Variants in E2F4 observed in about 807,000 individuals in gnomAD.
E2F4 encodes transcription factor E2F4.
E2F4 carries 16 observed loss-of-function variants against 44.5 expected under a neutral mutation model. The observed-to-expected ratio is 0.36, with a 90% CI of 0.24 to 0.55. The LOEUF is 0.55. Among genes scored for constraint, E2F4 ranks in the 20% least tolerant of loss-of-function variants. The pLI is 0.87. For synonymous variants in E2F4, 242 were observed against 207.2 expected, an observed-to-expected ratio of 1.17 and a Z score of -1.44; for missense variants, 473 against 522.1, an observed-to-expected ratio of 0.91 and a Z score of 0.92.
In E2F4 at chr16:67,195,942, C is replaced by T. The variant is rs1192514910; in HGVS notation, c.969C>T (p.Ser323=). ...SSSSSSSNSN[S]SSSSGPNPST... Reference sequence around the variant, plus strand: ...GCAGCAGCAGCAGCAACAGTAACAGCAGCAGTTCGTCCGGACCCAACCCTT... The same window carrying T: ...GCAGCAGCAGCAGCAACAGTAACAGTAGCAGTTCGTCCGGACCCAACCCTT... The change falls in exon 7 of 10, where the codon AGC becomes AGT. Residue 323 remains serine (S), a synonymous_variant. Coordinates refer to ENST00000379378, the MANE Select transcript of E2F4 (RefSeq NM_001950.4). 2 of 1,614,156 alleles carry T rather than the reference C, an allele frequency of 1.2e-6. No individual in the cohort carries two copies. The highest frequency in any genetic ancestry group is 1.3e-5 in the African/African-American group (1 of 75,042).
chr16:67,195,996 C>A lies in E2F4; in HGVS notation c.1023C>A (p.Asp341Glu), dbSNP rs776817198. The change falls in exon 7 of 10, where the codon GAC (aspartate) becomes GAA (glutamate). Residue 341 changes from aspartate to glutamate, a missense_variant. Asp to Glu is a conservative substitution (Grantham distance 45). Transcript: ENST00000379378. ...CCTCCTTTGAGCCCATCAAGGCAGACCCCACAGGTGGTGAGTACCTGCCCC... is the reference window on the plus strand; with the variant it reads ...CCTCCTTTGAGCCCATCAAGGCAGAACCCACAGGTGGTGAGTACCTGCCCC... Reference protein sequence around the residue: ...PSTSFEPIKADPTGVLELPKE... With the variant: ...PSTSFEPIKAEPTGVLELPKE... 1.9e-6 allele frequency: 3 copies of A among 1,614,140 alleles called. No individual in the cohort carries two copies. Among genetic ancestry groups the A allele is most frequent in the Non-Finnish European group, 2.5e-6 (3 of 1,179,988 alleles).
At chr16:67,193,254 G>T (rs919459711) in intron 3 of E2F4, 84 bp downstream of exon 3, 1 of 1,527,652 alleles carries the variant, frequency 6.5e-7, no homozygotes, top group Admixed American at 2.0e-5. Flanking sequence ...CCTCTTGGGA[G>T]TTTGTCTTAT....
At position 67,192,205 on chromosome 16, in the gene E2F4, A is replaced by AG; in HGVS notation, c.-19dup. ...GCGCCGGCCTGGCCTGGCCTGGCTG[A>AG]GGGGAGGCGGCGGGCGGGCGCGATG... is the stretch of plus-strand genomic sequence containing the variant. On this transcript the variant is annotated 5_prime_UTR_variant, in exon 1 of 10. Coordinates refer to ENST00000379378, the MANE Select transcript of E2F4 (RefSeq NM_001950.4). The AG allele has an allele frequency of 9.0e-7, 1 of 1,105,716 alleles. No individual in the cohort carries two copies. The allele number at this position is 1,105,716 out of a possible 1,614,324, so 68.5% of individuals were successfully genotyped here. A position where few individuals can be genotyped will look rare whatever the true frequency, so the allele number is the denominator to read the frequency against.
At chr16:67,197,207 T>C (rs1299978874) in intron 7 of E2F4, among the ~76,000 whole-genome samples, 3 of 152,176 alleles carry the variant, frequency 2.0e-5, no homozygotes, top group Admixed American at 6.5e-5. Flanking sequence ...CATCACCCTG[T>C]AGCGCCACCA....
Position 67,193,118 on chromosome 16 carries a change from G to T in E2F4, c.355G>T (p.Val119Leu), listed in dbSNP as rs748743089. The change falls in exon 3 of 10, where the codon GTG becomes TTG. Residue 119 changes from valine (V) to leucine (L), a missense_variant. Val to Leu is a conservative substitution (Grantham distance 32, BLOSUM62 1). This residue lies in a region of E2F4 where 119 missense variants were observed against 175.6 expected (regional missense o/e 0.68). Transcript: ENST00000379378. Reference sequence around the variant, plus strand: ...GGAGCAAGAACTAGACCAGCACAAGGTGTGGGTGCAGCAGAGCATCCGGAA... The same window carrying T: ...GGAGCAAGAACTAGACCAGCACAAGTTGTGGGTGCAGCAGAGCATCCGGAA... Reference protein sequence around the residue: ...QREQELDQHKVWVQQSIRNVT... With the variant: ...QREQELDQHKLWVQQSIRNVT... 1 of 1,574,818 alleles carries T rather than the reference G, an allele frequency of 6.3e-7. No individual in the cohort carries two copies. The highest frequency in any genetic ancestry group is 8.6e-7 in the Non-Finnish European group (1 of 1,159,874).
Position 67,198,785 on chromosome 16 carries a change from A to G in E2F4, c.*662A>G, listed in dbSNP as rs933834824. ...TTTTCATTTACCCTCATTTAGAGCC[A>G]TTTGCAGAGATTTAGAAAGATTTAC... On this transcript the variant is annotated 3_prime_UTR_variant, in exon 10 of 10. Coordinates refer to ENST00000379378, the MANE Select transcript of E2F4 (RefSeq NM_001950.4). The G allele has an allele frequency of 5.0e-5, 11 of 220,314 alleles. No individual in the cohort carries two copies. The highest frequency in any genetic ancestry group is 1.6e-3 in the Middle Eastern group (1 of 614). The allele number at this position is 220,314 out of a possible 1,614,324, so 13.6% of individuals were successfully genotyped here. A position where few individuals can be genotyped will look rare whatever the true frequency, so the allele number is the denominator to read the frequency against.
intron 6 of E2F4, 164 bp from the exon 7 acceptor site, chr16:67,195,618 T>A (rs1465080957): frequency 6.3e-6 from 9 of 1,420,792 alleles, no homozygotes; most frequent in Non-Finnish European, 8.5e-6. Context: ...TCTCCTGTGG[T>A]GACTAATTTC....
chr16:67,195,304 G>C (rs3730401), intron 6 of E2F4, among the ~76,000 whole-genome samples: 2 of 152,220 alleles, frequency 1.3e-5, no homozygotes, highest in East Asian at 3.9e-4. Flanking sequence ...GCTAATTCTC[G>C]TACTTCTAAT....
In E2F4 at chr16:67,194,926, G is replaced by C. The variant is rs751649990; in HGVS notation, c.754G>C (p.Val252Leu). ...PNSPQLTPTA[V>L]PGSAEVQGMA... is the part of the protein sequence containing the mutation. ...TAGTCCTCAGCTCACTCCCACTGCT[G>C]TCCCTGGCAGTGCAGAAGTCCAGGG... The change falls in exon 6 of 10, where the codon GTC becomes CTC. Residue 252 changes from valine (V) to leucine (L), a missense_variant. Physicochemically the swap from Val to Leu is conservative, Grantham distance 32. Coordinates refer to ENST00000379378, the MANE Select transcript of E2F4 (RefSeq NM_001950.4). 6.2e-7 allele frequency: 1 copy of C among 1,614,170 alleles called. No individual in the cohort carries two copies. Among genetic ancestry groups the C allele is most frequent in the Middle Eastern group, 1.6e-4 (1 of 6,062 alleles).
chr16:67,194,623 CG>C lies in E2F4; in HGVS notation c.514-60del, dbSNP rs1489197377. 6.3e-6 allele frequency: 10 copies of C among 1,583,264 alleles called. No individual in the cohort carries two copies. In the East Asian group the frequency reaches 2.3e-4, roughly 36 times the overall value. The stretch of plus-strand genomic sequence containing the variant: ...GGACACTGTGGTCCTGACCCGGAGT[CG>C]GGCAGGAGCCAAGCCTGCTTACAAT... On this transcript the variant is annotated intron_variant, in intron 5 of 9. Transcript: ENST00000379378.
Position 67,194,769 on chromosome 16 carries a change from A to G in E2F4, c.597A>G (p.Ala199=). Residue 199 remains alanine, a synonymous_variant, in exon 6 of 10, where the codon GCA becomes GCG. Transcript: ENST00000379378. ...PIEVLLVNKE[A]WSSPPVAVPV... ...AGGTTCTGCTGGTGAACAAGGAGGCATGGAGCTCACCCCCTGTGGCTGTGC... is the reference window on the plus strand; with the variant it reads ...AGGTTCTGCTGGTGAACAAGGAGGCGTGGAGCTCACCCCCTGTGGCTGTGC... The G allele has an allele frequency of 6.2e-7, 1 of 1,614,206 alleles. No homozygotes were observed. Among genetic ancestry groups the G allele is most frequent in the African/African-American group, 1.3e-5 (1 of 75,052 alleles).
intron 1 of E2F4, 199 bp from the exon 2 acceptor site, chr16:67,192,562 A>G (rs1401816061): frequency 4.0e-6 from 4 of 992,432 alleles, no homozygotes; most frequent in Non-Finnish European, 5.8e-6. Flanking sequence ...CTCGGGCTGC[A>G]GGTGTTCGTC....
Position 67,195,763 on chromosome 16 carries a change from T to G in E2F4, c.809-19T>G. 6.2e-7 allele frequency: 1 copy of G among 1,613,976 alleles called. No homozygotes were observed. The highest frequency in any genetic ancestry group is 8.5e-7 in the Non-Finnish European group (1 of 1,179,914). ...TCTTCCTGACCTTGTATGACTGGGT[T>G]TGGGGGCTATCATTGTAGTGAGTGG... is the stretch of plus-strand genomic sequence containing the variant. On this transcript the variant is annotated intron_variant, in intron 6 of 9. Coordinates refer to ENST00000379378, the MANE Select transcript of E2F4 (RefSeq NM_001950.4).
intron 1 of E2F4, 85 bp downstream of exon 1, chr16:67,192,447 G>C (rs1337256573): frequency 7.2e-7 from 1 of 1,385,304 alleles, no homozygotes; most frequent in Admixed American, 3.2e-5. Context: ...GGCCCAGCTG[G>C]GTCCTCCGAG....
At chr16:67,193,627 T>A (rs991573355) in intron 4 of E2F4, 112 bp downstream of exon 4, 20 of 1,202,994 alleles carry the variant, frequency 1.7e-5, no homozygotes, top group Non-Finnish European at 2.4e-5. Context: ...TTCTGGGGCC[T>A]GCTCAGAGAG....
rs776344088 is a variant in E2F4, at chr16:67,192,877, G to A, written c.245+7G>A. The stretch of plus-strand genomic sequence containing the variant: ...AGAACAGCATCCAGTGGAAGTGAGT[G>A]GGCATAGTGGGAGGGTAGTAGAGTC... On this transcript the variant is annotated splice_region_variant and intron_variant, in intron 2 of 9. Transcript: ENST00000379378. The A allele has an allele frequency of 3.5e-5, 56 of 1,605,320 alleles. No homozygotes were observed. The highest frequency in any genetic ancestry group is 4.3e-5 in the Non-Finnish European group (51 of 1,175,224).
At position 67,192,183 on chromosome 16, in the gene E2F4, C is replaced by T; in HGVS notation, c.-45C>T. The T allele has an allele frequency of 8.3e-7, 1 of 1,200,864 alleles. No individual in the cohort carries two copies. Among genetic ancestry groups the T allele is most frequent in the Non-Finnish European group, 1.0e-6 (1 of 967,182 alleles). 74.4% of individuals were successfully genotyped at this position (1,200,864 alleles called of 1,614,324 possible). On this transcript the variant is annotated 5_prime_UTR_variant, in exon 1 of 10. Transcript: ENST00000379378. ...AACGGAAGCGGAAGTGGCGGCGGCGCCGGCCTGGCCTGGCCTGGCTGAGGG... is the reference window on the plus strand; with the variant it reads ...AACGGAAGCGGAAGTGGCGGCGGCGTCGGCCTGGCCTGGCCTGGCTGAGGG...
In E2F4 at chr16:67,197,601, T is replaced by C; in HGVS notation, c.1036T>C (p.Leu346=). The part of the protein sequence containing the change: ...EPIKADPTGV[L]ELPKELSEIF... ...AGCATGGCTTTCTTGTTTTTCAGTT[T>C]TGGAACTCCCCAAAGAGCTGTCAGA... The change falls in exon 8 of 10, where the codon TTG becomes CTG. Residue 346 remains leucine, a splice_region_variant and synonymous_variant. Transcript: ENST00000379378. 1 of 1,614,136 alleles carries C rather than the reference T, an allele frequency of 6.2e-7. No individual in the cohort carries two copies. Among genetic ancestry groups the C allele is most frequent in the South Asian group, 1.1e-5 (1 of 91,082 alleles).
intron 1 of E2F4, 45 bp downstream of exon 1, chr16:67,192,407 G>A (rs2032900734): frequency 9.2e-6 from 13 of 1,419,850 alleles, no homozygotes; most frequent in Admixed American, 3.0e-5. Context: ...GGTGGACCAG[G>A]CCTGGGCCGG....
Sources: gnomAD v4.1 joint callset for allele counts (sites outside exome capture counted in the v4.1 genomes callset) on GRCh38, gnomAD v4.1.1 for gene constraint, gnomAD v4.1.1 regional missense constraint, MANE v1.5 for transcripts, NCBI Gene and HGNC (gene_info 2026-07-23, HGNC 2026-07-21) for gene names.